Variants in KLHL1 observed in about 807,000 individuals in gnomAD.
KLHL1 encodes the protein kelch like family member 1.
A neutral mutation model predicts 77.7 loss-of-function variants in KLHL1; 47 were observed. The observed-to-expected ratio is 0.60, with a 90% confidence interval of 0.48 to 0.77. KLHL1 has a LOEUF of 0.77. KLHL1 is among the 30% of genes least tolerant of loss of function. KLHL1 has a pLI of 0.00. For missense variants in KLHL1, 925 were observed against 910.8 expected, an observed-to-expected ratio of 1.02 and a Z score of -0.20; for synonymous variants, 360 against 325.2, an observed-to-expected ratio of 1.11 and a Z score of -1.15.
chr13:70,038,838 G>A (rs796141087), intron 1 of KLHL1, among the ~76,000 whole-genome samples: 6 of 151,914 alleles, frequency 3.9e-5, no homozygotes, highest in African/African-American at 1.2e-4. Context: ...TGATCCACCC[G>A]CCTTGGCCTC....
At chr13:70,073,901 C>T (rs1256751660) in intron 1 of KLHL1, among the ~76,000 whole-genome samples, 2 of 151,880 alleles carry the variant, frequency 1.3e-5, no homozygotes, top group Non-Finnish European at 2.9e-5. Context: ...TCTTGGCTCA[C>T]CGCAGCCTCC....
intron 1 of KLHL1, among the ~76,000 whole-genome samples, chr13:70,043,063 G>A (rs866529883): frequency 3.9e-5 from 6 of 151,988 alleles, no homozygotes; most frequent in Admixed American, 2.6e-4. Context: ...GAGCCACCAC[G>A]CCCAAGTAAT....
intron 1 of KLHL1, among the ~76,000 whole-genome samples, chr13:70,022,272 C>T (rs901097090): frequency 3.7e-5 from 2 of 54,116 alleles, no homozygotes; most frequent in African/African-American, 2.2e-4. Context: ...AAGTTGATTA[C>T]GTGTGTGTTT....
At chr13:69,934,968 A>ATT (rs1883126174) in intron 4 of KLHL1, among the ~76,000 whole-genome samples, 1 of 59,424 alleles carries the variant, frequency 1.7e-5, no homozygotes, top group Non-Finnish European at 4.8e-5. Context: ...ATGTGTATAT[A>ATT]TATATATATA....
At chr13:70,104,557 C>G (rs1372027437) in intron 1 of KLHL1, among the ~76,000 whole-genome samples, 1 of 151,930 alleles carries the variant, frequency 6.6e-6, no homozygotes, top group Non-Finnish European at 1.5e-5. Context: ...AAGAGAAGAT[C>G]AATAAAATGA....
At chr13:69,852,275 G>T (rs1879721167) in intron 5 of KLHL1, among the ~76,000 whole-genome samples, 1 of 151,828 alleles carries the variant, frequency 6.6e-6, no homozygotes, top group Admixed American at 6.6e-5. Context: ...TCTGTAAAAA[G>T]CATCTGGAAC....
At chr13:70,069,183 T>C (rs1887083040) in intron 1 of KLHL1, among the ~76,000 whole-genome samples, 1 of 152,138 alleles carries the variant, frequency 6.6e-6, no homozygotes, top group Non-Finnish European at 1.5e-5. Context: ...CCCCATACGC[T>C]ACCATCACAT....
intron 5 of KLHL1, among the ~76,000 whole-genome samples, chr13:69,881,139 A>G (rs74430269): frequency 0.057 from 8,741 of 152,198 alleles, 643 homozygotes; most frequent in African/African-American, 0.17. Flanking sequence ...CATAATTTGA[A>G]TTCCATAAAT....
In KLHL1 at chr13:69,867,938, A is replaced by C. The variant is rs771741139; in HGVS notation, c.1227+14345T>G. ...TAATGGGTGCAGCACACCAACATGA[A>C]ACATGTATACATATGTAACTAACCT... On this transcript the variant is annotated intron_variant, in intron 5 of 10. Coordinates refer to ENST00000377844, the MANE Select transcript of KLHL1 (RefSeq NM_020866.3). Among the ~76,000 whole-genome samples the C allele has an allele frequency of 5.6e-3, 854 of 152,108 alleles. 6 individuals are homozygous for C. Among genetic ancestry groups the C allele is most frequent in the Non-Finnish European group, 8.6e-3 (584 of 67,980 alleles).
intron 5 of KLHL1, among the ~76,000 whole-genome samples, chr13:69,853,037 G>T (rs1022951216): frequency 6.6e-6 from 1 of 151,932 alleles, no homozygotes; most frequent in Non-Finnish European, 1.5e-5. Flanking sequence ...AGTACTTACA[G>T]TTAAGCCGCA....
At chr13:69,882,246 A>G in intron 5 of KLHL1, 37 bp downstream of exon 5, 1 of 1,374,196 alleles carries the variant, frequency 7.3e-7, no homozygotes, top group Non-Finnish European at 1.0e-6. Flanking sequence ...GTTTTTCAGT[A>G]CATTGAATCT....
intron 1 of KLHL1, among the ~76,000 whole-genome samples, chr13:69,980,689 T>A (rs1376786621): frequency 6.6e-6 from 1 of 152,050 alleles, no homozygotes; most frequent in Non-Finnish European, 1.5e-5. Context: ...ATTTTTACTT[T>A]AAAAAATAGA....
chr13:69,819,846 C>T (rs144136581), intron 6 of KLHL1, among the ~76,000 whole-genome samples: 1 of 152,230 alleles, frequency 6.6e-6, no homozygotes, highest in East Asian at 1.9e-4. Flanking sequence ...TCTGTTTTGG[C>T]TCCAAAGATC....
chr13:70,065,016 G>C (rs1439562876), intron 1 of KLHL1, among the ~76,000 whole-genome samples: 1 of 152,026 alleles, frequency 6.6e-6, no homozygotes, highest in Non-Finnish European at 1.5e-5. Context: ...GAATAATTCA[G>C]GGTTTAAAAG....
At chr13:69,951,938 G>A (rs1271656896) in intron 3 of KLHL1, among the ~76,000 whole-genome samples, 3 of 151,384 alleles carry the variant, frequency 2.0e-5, no homozygotes, top group Non-Finnish European at 3.0e-5. Context: ...TGATAAGTAT[G>A]CAATTCTTTC....
intron 1 of KLHL1, among the ~76,000 whole-genome samples, chr13:70,074,705 A>G (rs683300): frequency 0.71 from 107,224 of 151,014 alleles, 38,275 homozygotes; most frequent in East Asian, 0.88. Flanking sequence ...AGCATTTTCA[A>G]CAAGCCATAT....
intron 7 of KLHL1, among the ~76,000 whole-genome samples, chr13:69,785,246 T>C (rs1487782925): frequency 2.6e-5 from 4 of 152,058 alleles, no homozygotes; most frequent in East Asian, 1.9e-4. Flanking sequence ...ATAGACCACA[T>C]AGTTGGAAGT....
intron 2 of KLHL1, among the ~76,000 whole-genome samples, chr13:69,961,739 C>T (rs2137271243): frequency 6.6e-6 from 1 of 152,018 alleles, no homozygotes; most frequent in Non-Finnish European, 1.5e-5. Context: ...TGTAATGACC[C>T]ACCTTTCACC....
At chr13:69,928,200 G>A (rs938822103) in intron 4 of KLHL1, among the ~76,000 whole-genome samples, 2 of 152,194 alleles carry the variant, frequency 1.3e-5, no homozygotes, top group Non-Finnish European at 2.9e-5. Context: ...CAACCTGTTT[G>A]AAGACTCTCA....
Sources: gnomAD v4.1 joint callset for allele counts (sites outside exome capture counted in the v4.1 genomes callset) on GRCh38, gnomAD v4.1.1 for gene constraint, MANE v1.5 for transcripts, NCBI Gene and HGNC (gene_info 2026-07-23, HGNC 2026-07-21) for gene names.